Variants in PCDH9 observed in about 807,000 individuals in gnomAD.
PCDH9 encodes the protein protocadherin 9.
In PCDH9, 24 loss-of-function variants were observed where a neutral mutation model predicts 70.6. That is an observed-to-expected ratio of 0.34 (90% CI 0.25 to 0.48). The LOEUF (loss-of-function observed/expected upper bound fraction) is 0.48, where lower values mean the gene tolerates loss of function less well. Ranked by LOEUF, PCDH9 falls within the 20% of genes least tolerant of loss-of-function variation. The pLI is 0.99. For synonymous variants in PCDH9, 562 were observed against 558.5 expected, an observed-to-expected ratio of 1.01 and a Z score of -0.09; for missense variants, 1,281 against 1,503.6, an observed-to-expected ratio of 0.85 and a Z score of 2.45.
At chr13:66,832,387 C>T (rs894265) in intron 3 of PCDH9, among the ~76,000 whole-genome samples, 148,770 of 152,120 alleles carry the variant, frequency 0.98, 72,831 homozygotes, top group East Asian at 1. Context: ...TAAAATACCA[C>T]GTTTTTCCCT....
intron 4 of PCDH9, among the ~76,000 whole-genome samples, chr13:66,627,227 T>C (rs1230075496): frequency 6.6e-6 from 1 of 152,114 alleles, no homozygotes; most frequent in Non-Finnish European, 1.5e-5. Context: ...TAGAAACCTA[T>C]TTTACCTGCT....
chr13:66,889,057 C>A (rs1368835394), intron 3 of PCDH9, among the ~76,000 whole-genome samples: 1 of 152,192 alleles, frequency 6.6e-6, no homozygotes, highest in East Asian at 1.9e-4. Flanking sequence ...CTTCCTCCTG[C>A]CTGTGCGGTT....
intron 4 of PCDH9, among the ~76,000 whole-genome samples, chr13:66,494,390 C>T (rs1453183761): frequency 6.6e-6 from 1 of 152,220 alleles, no homozygotes; most frequent in South Asian, 2.1e-4. Context: ...AACAAATCAC[C>T]AAGCCTGACA....
intron 4 of PCDH9, among the ~76,000 whole-genome samples, chr13:66,562,054 A>G (rs1367817030): frequency 1.3e-5 from 2 of 152,094 alleles, no homozygotes; most frequent in African/African-American, 2.4e-5. Context: ...ACATCCAAAC[A>G]TCAGAAGGAA....
intron 3 of PCDH9, among the ~76,000 whole-genome samples, chr13:66,902,602 C>T (rs1251106883): frequency 6.6e-6 from 1 of 151,402 alleles, no homozygotes; most frequent in African/African-American, 2.4e-5. Context: ...ACATGCATTA[C>T]CTCTCTTTCT....
At chr13:66,779,374 AC>A in intron 3 of PCDH9, among the ~76,000 whole-genome samples, 1 of 152,316 alleles carries the variant, frequency 6.6e-6, no homozygotes, top group South Asian at 2.1e-4. Context: ...AATCTGTGGG[AC>A]ATGCATACAA....
intron 3 of PCDH9, among the ~76,000 whole-genome samples, chr13:66,747,349 T>TCAAAACAAAA (rs60690085): frequency 2.3e-4 from 34 of 147,348 alleles, no homozygotes; most frequent in African/African-American, 7.2e-4. Flanking sequence ...AGACGCCATC[T>TCAAAACAAAA]CAAAACAAAA....
rs2078366101 is a variant in PCDH9 at position 66,684,100 on chromosome 13, T to TTTTTATCATATCAATACA, written c.3139-52690_3139-52689insTGTATTGATATGATAAAA. ...TCACACATAGTTTGATATGATACATTTTTTAAAAATCCTTTGATTTGGTGA... is the reference window on the plus strand; with the variant it reads ...TCACACATAGTTTGATATGATACATTTTTTATCATATCAATACATTTTAAAAATCCTTTGATTTGGTGA... On this transcript the variant is annotated intron_variant, in intron 3 of 4. Transcript: ENST00000377865. Among the ~76,000 whole-genome samples the TTTTTATCATATCAATACA allele has an allele frequency of 2.6e-5, 4 of 152,320 alleles. No individual in the cohort carries two copies. The South Asian group carries it at 8.3e-4, about 32-fold the overall frequency.
At chr13:66,601,711 T>G (rs2077167854) in intron 4 of PCDH9, among the ~76,000 whole-genome samples, 1 of 146,070 alleles carries the variant, frequency 6.8e-6, no homozygotes, top group South Asian at 2.2e-4. Context: ...CAGAAGACAC[T>G]TCATTCAGTG....
At chr13:66,729,462 C>T (rs1180085797) in intron 3 of PCDH9, among the ~76,000 whole-genome samples, 1 of 152,018 alleles carries the variant, frequency 6.6e-6, no homozygotes, top group Non-Finnish European at 1.5e-5. Flanking sequence ...AATTGTAAAT[C>T]GATTTGTTTT....
chr13:66,494,428 T>C (rs552479975), intron 4 of PCDH9, among the ~76,000 whole-genome samples: 24 of 152,262 alleles, frequency 1.6e-4, no homozygotes, highest in African/African-American at 5.5e-4. Flanking sequence ...CTAATGGAGG[T>C]AGCTTTTGAT....
chr13:66,736,738 A>G (rs1224848414), intron 3 of PCDH9, among the ~76,000 whole-genome samples: 1 of 152,242 alleles, frequency 6.6e-6, no homozygotes, highest in Non-Finnish European at 1.5e-5. Flanking sequence ...GTCTGTTTTT[A>G]TCTTGAAGAT....
intron 2 of PCDH9, among the ~76,000 whole-genome samples, chr13:67,121,505 A>G (rs896105133): frequency 5.9e-5 from 9 of 152,172 alleles, no homozygotes; most frequent in African/African-American, 9.7e-5. Flanking sequence ...CTCCCATCAT[A>G]CAGAATAATT....
rs2085340949 is a variant in PCDH9, at chr13:67,052,466, A to C, written c.3037-148861T>G. 3.9e-5 allele frequency among the ~76,000 whole-genome samples: 6 copies of C among 151,980 alleles called. No homozygotes were observed. The South Asian group carries it at 1.2e-3, about 32-fold the overall frequency. Reference sequence around the variant, plus strand: ...TTGTAAGCTTAGTTAAGGACTTGGGAGGTTATCTGAAGGCTAAGTGAAAAA... The same window carrying C: ...TTGTAAGCTTAGTTAAGGACTTGGGCGGTTATCTGAAGGCTAAGTGAAAAA... On this transcript the variant is annotated intron_variant, in intron 2 of 4. Transcript: ENST00000377865.
At chr13:67,096,125 G>C (rs554016039) in intron 2 of PCDH9, among the ~76,000 whole-genome samples, 201 of 152,100 alleles carry the variant, frequency 1.3e-3, no homozygotes, top group African/African-American at 4.6e-3. Flanking sequence ...CATATTTTGG[G>C]GAAAACACTT....
At chr13:66,732,748 AT>A (rs567739771) in intron 3 of PCDH9, among the ~76,000 whole-genome samples, 7 of 151,532 alleles carry the variant, frequency 4.6e-5, no homozygotes, top group African/African-American at 7.3e-5. Context: ...TAAAACTACC[AT>A]TTTTTTTGCA....
At chr13:66,608,176 A>G (rs7999420) in intron 4 of PCDH9, among the ~76,000 whole-genome samples, 123,197 of 146,766 alleles carry the variant, frequency 0.84, 50,367 homozygotes, top group East Asian at 1. Context: ...GTGTGTGTGT[A>G]TATATAGGTA....
intron 2 of PCDH9, among the ~76,000 whole-genome samples, chr13:67,141,433 CTTTA>C (rs2087385176): frequency 6.6e-6 from 1 of 151,560 alleles, no homozygotes; most frequent in South Asian, 2.1e-4. Context: ...CTCTCTCTCT[CTTTA>C]TTTTATTATT....
chr13:67,082,193 G>C (rs964843208), intron 2 of PCDH9, among the ~76,000 whole-genome samples: 1 of 152,128 alleles, frequency 6.6e-6, no homozygotes, highest in Non-Finnish European at 1.5e-5. Flanking sequence ...AATGTCTACG[G>C]TTTAGTCATA....
Sources: allele counts gnomAD v4.1 joint callset (sites outside exome capture counted in the v4.1 genomes callset), GRCh38; gene constraint gnomAD v4.1.1; transcripts MANE v1.5; gene names NCBI Gene and HGNC (gene_info 2026-07-23, HGNC 2026-07-21).